The following PDGFRL variants were observed in gnomAD, a reference collection of about 807,000 sequenced individuals.
PDGFRL encodes the protein platelet-derived growth factor receptor-like protein.
PDGFRL carries 46 observed loss-of-function variants against 37.2 expected under a neutral mutation model. The ratio of observed to expected loss-of-function variants is 1.24; its 90% CI spans 0.98 to 1.58. The LOEUF is 1.58. Among genes scored for constraint, PDGFRL ranks in the 40% most tolerant of loss-of-function variants. The pLI, the probability that PDGFRL is intolerant of heterozygous loss-of-function variation, is 0.00. For missense variants in PDGFRL, 692 were observed against 467.6 expected (o/e 1.48, Z -4.43); for synonymous variants, 251 against 184.3 (o/e 1.36, Z -2.93).
chr8:17,621,038 C>G lies in PDGFRL; in HGVS notation c.354-13C>G, dbSNP rs762356975. The G allele has an allele frequency of 1.9e-6, 3 of 1,586,372 alleles. No individual in the cohort carries two copies. The highest frequency in any genetic ancestry group is 2.6e-6 in the Non-Finnish European group (3 of 1,161,436). ...TCTGACTTGCTTTGAGTTCATGTGTCTTTTATTCCTAGCGTCAAGCAGAAT... is the reference window on the plus strand; with the variant it reads ...TCTGACTTGCTTTGAGTTCATGTGTGTTTTATTCCTAGCGTCAAGCAGAAT... On this transcript the variant is annotated splice_polypyrimidine_tract_variant and intron_variant, in intron 2 of 5. Coordinates refer to ENST00000251630, the MANE Select transcript of PDGFRL (RefSeq NM_001372073.1).
chr8:17,640,922 G>A (rs1805078423), intron 5 of PDGFRL, among the ~76,000 whole-genome samples: 1 of 151,918 alleles, frequency 6.6e-6, no homozygotes, highest in Non-Finnish European at 1.5e-5. Context: ...TCTGAGCTCA[G>A]ACACTCTCCT....
At chr8:17,620,538 A>G (rs1469286522) in intron 2 of PDGFRL, among the ~76,000 whole-genome samples, 3 of 152,182 alleles carry the variant, frequency 2.0e-5, no homozygotes, top group Non-Finnish European at 4.4e-5. Context: ...ATATTTATAC[A>G]TCATTATTAG....
chr8:17,623,481 A>G (rs1038033157), intron 3 of PDGFRL, among the ~76,000 whole-genome samples: 6 of 152,232 alleles, frequency 3.9e-5, no homozygotes, highest in African/African-American at 1.4e-4. Context: ...CAAGTTGCAG[A>G]AGGAAGATTC....
At chr8:17,638,738 CATATATATAT>C (rs56085770) in intron 5 of PDGFRL, among the ~76,000 whole-genome samples, 270 of 47,310 alleles carry the variant, frequency 5.7e-3, no homozygotes, top group Middle Eastern at 0.016. Context: ...GCATTAGGTG[CATATATATAT>C]ATATATATAT....
intron 5 of PDGFRL, among the ~76,000 whole-genome samples, chr8:17,642,213 C>A (rs971734552): frequency 2.0e-5 from 3 of 152,280 alleles, no homozygotes; most frequent in African/African-American, 7.2e-5. Context: ...TACTGACTTT[C>A]AGTTCTGTAG....
In PDGFRL at chr8:17,577,249, C is replaced by A. The variant is rs374063088; in HGVS notation, c.-4C>A. ...CCTGCGCTCCGAGGTCCGAGGTTCC[C>A]GAGATGAAGGTCTGGCTGCTGCTTG... is the stretch of plus-strand genomic sequence containing the variant. On this transcript the variant is annotated 5_prime_UTR_variant, in exon 1 of 6. Coordinates refer to ENST00000251630, the MANE Select transcript of PDGFRL (RefSeq NM_001372073.1). 1 of 1,612,420 alleles carries A rather than the reference C, an allele frequency of 6.2e-7. No individual in the cohort carries two copies. The highest frequency in any genetic ancestry group is 2.2e-5 in the East Asian group (1 of 44,776).
chr8:17,580,778 A>G (rs1237744729), intron 1 of PDGFRL, among the ~76,000 whole-genome samples: 1 of 152,140 alleles, frequency 6.6e-6, no homozygotes, highest in African/African-American at 2.4e-5. Flanking sequence ...AGTCAGTGTC[A>G]GCAGCACCAC....
chr8:17,599,328 A>C (rs182821561), intron 2 of PDGFRL, among the ~76,000 whole-genome samples: 7 of 152,222 alleles, frequency 4.6e-5, no homozygotes, highest in African/African-American at 1.4e-4. Context: ...CCTAAAGTCC[A>C]TTGTATCATT....
At chr8:17,577,117 A>G (rs368285476), upstream of PDGFRL, 106 of 1,248,002 alleles carry the variant, frequency 8.5e-5, 2 homozygotes, top group South Asian at 1.3e-3. Context: ...TTTTCCCCCA[A>G]ACCTTGTTCC....
intron 5 of PDGFRL, among the ~76,000 whole-genome samples, chr8:17,638,936 C>G (rs1386693592): frequency 6.6e-6 from 1 of 151,510 alleles, no homozygotes. Context: ...GTAATCCCAG[C>G]TACTAAGGAG....
chr8:17,587,448 T>G (rs143585835), intron 1 of PDGFRL, among the ~76,000 whole-genome samples: 2 of 152,266 alleles, frequency 1.3e-5, no homozygotes, highest in East Asian at 3.9e-4. Flanking sequence ...GAATACCAAA[T>G]TAGACCTTAA....
At chr8:17,586,367 G>C (rs1372074010) in intron 1 of PDGFRL, among the ~76,000 whole-genome samples, 1 of 152,178 alleles carries the variant, frequency 6.6e-6, no homozygotes, top group Non-Finnish European at 1.5e-5. Flanking sequence ...ATCAGGTTCT[G>C]TTTGGCTTGG....
At chr8:17,638,782 T>TAA (rs1805031722) in intron 5 of PDGFRL, among the ~76,000 whole-genome samples, 2 of 114,860 alleles carry the variant, frequency 1.7e-5, no homozygotes, top group South Asian at 2.8e-4. Flanking sequence ...TATATATATA[T>TAA]ATATAATTGT....
chr8:17,608,119 T>C (rs1453821928), intron 2 of PDGFRL, among the ~76,000 whole-genome samples: 1 of 152,218 alleles, frequency 6.6e-6, no homozygotes, highest in Non-Finnish European at 1.5e-5. Flanking sequence ...CTGCCTCGCT[T>C]GGTGCCTTCC....
chr8:17,584,723 T>TC (rs1292025340), intron 1 of PDGFRL, among the ~76,000 whole-genome samples: 62 of 151,948 alleles, frequency 4.1e-4, no homozygotes, highest in Admixed American at 4.1e-3. Flanking sequence ...ACTGCTTTTT[T>TC]TTTTTTTTTA....
intron 3 of PDGFRL, among the ~76,000 whole-genome samples, chr8:17,623,873 C>CAAAAA (rs67846013): frequency 0.16 from 23,297 of 141,530 alleles, 2,352 homozygotes; most frequent in African/African-American, 0.27. Flanking sequence ...GACTTTACCT[C>CAAAAA]AAAAAAAAAA....
intron 1 of PDGFRL, among the ~76,000 whole-genome samples, chr8:17,584,646 C>T (rs1188737894): frequency 6.6e-6 from 1 of 151,476 alleles, no homozygotes; most frequent in African/African-American, 2.4e-5. Flanking sequence ...TGTATTCTAA[C>T]AGGTGTTGTG....
chr8:17,585,608 A>G (rs1442866431), intron 1 of PDGFRL, among the ~76,000 whole-genome samples: 4 of 152,178 alleles, frequency 2.6e-5, no homozygotes, highest in Admixed American at 2.6e-4. Context: ...TGAGTGGCTC[A>G]GAAGAATGTA....
At chr8:17,626,489 G>C (rs1308588861) in intron 3 of PDGFRL, among the ~76,000 whole-genome samples, 1 of 152,152 alleles carries the variant, frequency 6.6e-6, no homozygotes, top group Non-Finnish European at 1.5e-5. Context: ...CTTGGCTCAT[G>C]AACCATTTGA....
Sources: allele counts gnomAD v4.1 joint callset (sites outside exome capture counted in the v4.1 genomes callset), GRCh38; gene constraint gnomAD v4.1.1; transcripts MANE v1.5; gene names NCBI Gene and HGNC (gene_info 2026-07-23, HGNC 2026-07-21).